CDC42EP3: variants seen among roughly 807,000 people sequenced by gnomAD.
The protein encoded by CDC42EP3 is CDC42 effector protein (Rho GTPase binding) 3.
Under a neutral mutation model 15.5 loss-of-function variants are expected in CDC42EP3, and 4 were observed. The ratio of observed to expected loss-of-function variants is 0.26; its 90% CI spans 0.13 to 0.59. The LOEUF is 0.59. Ranked by LOEUF, CDC42EP3 falls within the 20% of genes least tolerant of loss-of-function variation. CDC42EP3 has a pLI of 0.89. For missense variants in CDC42EP3, 309 were observed against 311.2 expected (o/e 0.99, Z 0.05); for synonymous variants, 145 against 130.3 (o/e 1.11, Z -0.77).
intron 1 of CDC42EP3, among the ~76,000 whole-genome samples, chr2:37,666,391 G>A (rs1207219103): frequency 2.0e-5 from 3 of 152,164 alleles, no homozygotes; most frequent in Non-Finnish European, 4.4e-5. Context: ...TTCATGGCTC[G>A]AGGTACACTT....
At chr2:37,651,326 A>AT (rs1032752351) in intron 1 of CDC42EP3, among the ~76,000 whole-genome samples, 10 of 151,478 alleles carry the variant, frequency 6.6e-5, no homozygotes, top group East Asian at 5.8e-4. Flanking sequence ...TGAACTGGCT[A>AT]TTTTTTTTTA....
At chr2:37,670,556 T>G (rs1666379564) in intron 1 of CDC42EP3, among the ~76,000 whole-genome samples, 1 of 151,586 alleles carries the variant, frequency 6.6e-6, no homozygotes, top group Non-Finnish European at 1.5e-5. Context: ...GGGCTTTTAC[T>G]CCTTTCAACA....
Position 37,646,186 on chromosome 2 carries a change from G to A in CDC42EP3, c.402C>T (p.Ser134=), listed in dbSNP as rs1665457098. 1 of 1,614,132 alleles carries A rather than the reference G, an allele frequency of 6.2e-7. No homozygotes were observed. The highest frequency in any genetic ancestry group is 1.7e-5 in the Admixed American group (1 of 60,012). The part of the protein sequence containing the change: ...SPVTFNSKQE[S]FGPAKLPRLS... ...GCCTGGGCAGCTTTGCTGGCCCGAA[G>A]GACTCCTGTTTGGAATTAAATGTCA... The change falls in exon 2 of 2, where the codon TCC becomes TCT. Residue 134 remains serine (S), a synonymous_variant. Transcript: ENST00000295324.
chr2:37,671,820 CG>C (rs1553318878), upstream of CDC42EP3: 21 of 149,430 alleles, frequency 1.4e-4, no homozygotes, highest in Middle Eastern at 3.4e-3. Context: ...GGCGCGCGCG[CG>C]GGGGGGGGTC....
chr2:37,663,737 G>A (rs545041041), intron 1 of CDC42EP3, among the ~76,000 whole-genome samples: 3 of 152,316 alleles, frequency 2.0e-5, no homozygotes, highest in African/African-American at 4.8e-5. Flanking sequence ...CTTGATGGAA[G>A]GATGCAAAGT....
At chr2:37,654,642 C>T (rs1281825877) in intron 1 of CDC42EP3, among the ~76,000 whole-genome samples, 1 of 152,202 alleles carries the variant, frequency 6.6e-6, no homozygotes, top group Non-Finnish European at 1.5e-5. Context: ...GAGGTGTTCA[C>T]GTTCCCATTT....
Position 37,646,042 on chromosome 2 carries a change from G to T in CDC42EP3, c.546C>A (p.Ser182Arg). ...WGSSGSASQSSQGRDSHSSSL... is the reference protein window; with the variant it reads ...WGSSGSASQSRQGRDSHSSSL... ...TGGAGGAGTGGCTGTCTCTGCCTTG[G>T]CTGGACTGAGATGCAGAACCGCTGG... is the stretch of plus-strand genomic sequence containing the variant. The change falls in exon 2 of 2, where the codon AGC (serine) becomes AGA (arginine). Residue 182 changes from serine (S) to arginine (R), a missense_variant. Coordinates refer to ENST00000295324, the MANE Select transcript of CDC42EP3 (RefSeq NM_006449.5). 1.2e-6 allele frequency: 2 copies of T among 1,614,120 alleles called. No individual in the cohort carries two copies. The highest frequency in any genetic ancestry group is 2.2e-5 in the South Asian group (2 of 91,082).
In CDC42EP3 at chr2:37,645,694, A is replaced by ACTT; in HGVS notation, c.*126_*128dup. On this transcript the variant is annotated 3_prime_UTR_variant, in exon 2 of 2. Coordinates refer to ENST00000295324, the MANE Select transcript of CDC42EP3 (RefSeq NM_006449.5). ...AACAGGGCATAACAGGTAAAAAAAT[A>ACTT]CTTTGTAAGAATATTATTTTAGAAA... is the stretch of plus-strand genomic sequence containing the variant. 1 of 765,488 alleles carries ACTT rather than the reference A, an allele frequency of 1.3e-6. No homozygotes were observed. The allele number at this position is 765,488 out of a possible 1,614,324, so 47.4% of individuals were successfully genotyped here. A position where few individuals can be genotyped will look rare whatever the true frequency, so the allele number is the denominator to read the frequency against.
intron 1 of CDC42EP3, among the ~76,000 whole-genome samples, chr2:37,663,052 C>T (rs1413081241): frequency 6.6e-6 from 1 of 152,218 alleles, no homozygotes; most frequent in Non-Finnish European, 1.5e-5. Flanking sequence ...GTAATCCCAG[C>T]TACTCATGAG....
chr2:37,664,860 G>A (rs1304479943), intron 1 of CDC42EP3, among the ~76,000 whole-genome samples: 1 of 152,102 alleles, frequency 6.6e-6, no homozygotes, highest in Non-Finnish European at 1.5e-5. Flanking sequence ...GGAGCTAAAT[G>A]AGAACAAATG....
At chr2:37,658,159 A>C (rs1484101158) in intron 1 of CDC42EP3, among the ~76,000 whole-genome samples, 1 of 152,190 alleles carries the variant, frequency 6.6e-6, no homozygotes, top group Non-Finnish European at 1.5e-5. Flanking sequence ...ATAACTTCCA[A>C]GTCAGTACCT....
At chr2:37,655,215 C>T (rs771453076) in intron 1 of CDC42EP3, among the ~76,000 whole-genome samples, 2 of 152,170 alleles carry the variant, frequency 1.3e-5, no homozygotes, top group Non-Finnish European at 2.9e-5. Context: ...AACGAGCAGG[C>T]GGTATTTTAA....
Position 37,645,659 on chromosome 2 carries a change from T to G in CDC42EP3, c.*164A>C, listed in dbSNP as rs751600175. The G allele has an allele frequency of 1.8e-6, 1 of 547,384 alleles. No individual in the cohort carries two copies. The highest frequency in any genetic ancestry group is 3.0e-6 in the Non-Finnish European group (1 of 331,186). 33.9% of individuals were successfully genotyped at this position (547,384 alleles called of 1,614,324 possible). A position where few individuals can be genotyped will look rare whatever the true frequency, so the allele number is the denominator to read the frequency against. On this transcript the variant is annotated 3_prime_UTR_variant, in exon 2 of 2. Coordinates refer to ENST00000295324, the MANE Select transcript of CDC42EP3 (RefSeq NM_006449.5). Reference sequence around the variant, plus strand: ...TTTGCTTTGTTGTTTTTTTCTAAATTGTTTTTGCAAACAGGGCATAACAGG... The same window carrying G: ...TTTGCTTTGTTGTTTTTTTCTAAATGGTTTTTGCAAACAGGGCATAACAGG...
intron 1 of CDC42EP3, among the ~76,000 whole-genome samples, chr2:37,656,881 A>C (rs1665867310): frequency 6.6e-6 from 1 of 151,736 alleles, no homozygotes; most frequent in African/African-American, 2.4e-5. Context: ...TCTCTAACTC[A>C]CTAGGACTTT....
At chr2:37,652,174 C>CAAAAAAAAAAAAAA (rs61407687) in intron 1 of CDC42EP3, among the ~76,000 whole-genome samples, 3 of 39,126 alleles carry the variant, frequency 7.7e-5, no homozygotes, top group African/African-American at 3.6e-4. Flanking sequence ...GACTCCCTCT[C>CAAAAAAAAAAAAAA]AAAAAAAAAA....
chr2:37,665,738 C>T (rs1299338913), intron 1 of CDC42EP3, among the ~76,000 whole-genome samples: 1 of 152,172 alleles, frequency 6.6e-6, no homozygotes, highest in African/African-American at 2.4e-5. Flanking sequence ...CTTGGAAGTT[C>T]CCTGCCTTCC....
chr2:37,656,376 A>C (rs1665844999), intron 1 of CDC42EP3, among the ~76,000 whole-genome samples: 1 of 152,274 alleles, frequency 6.6e-6, no homozygotes, highest in Admixed American at 6.5e-5. Flanking sequence ...AGTGAACTTC[A>C]AATTCACAAG....
chr2:37,661,375 G>A (rs772528579), intron 1 of CDC42EP3, among the ~76,000 whole-genome samples: 7 of 152,134 alleles, frequency 4.6e-5, no homozygotes, highest in Non-Finnish European at 7.4e-5. Flanking sequence ...TTTTAGCCAA[G>A]CCTTAAAGGG....
chr2:37,663,614 A>C (rs1476810167), intron 1 of CDC42EP3, among the ~76,000 whole-genome samples: 1 of 152,174 alleles, frequency 6.6e-6, no homozygotes, highest in African/African-American at 2.4e-5. Context: ...ACCACAACCA[A>C]ATGACTGGGG....
Sources: allele counts gnomAD v4.1 joint callset (sites outside exome capture counted in the v4.1 genomes callset), GRCh38; gene constraint gnomAD v4.1.1; transcripts MANE v1.5; gene names NCBI Gene and HGNC (gene_info 2026-07-23, HGNC 2026-07-21).